Variants in CEP290 observed in about 807,000 individuals in gnomAD.
CEP290 encodes the protein centrosomal protein 290.
Under a neutral mutation model 344.9 loss-of-function variants are expected in CEP290, and 317 were observed. That is an observed-to-expected ratio of 0.92 (90% CI 0.84 to 1.01). The LOEUF (loss-of-function observed/expected upper bound fraction) is 1.01, where lower values mean the gene tolerates loss of function less well. CEP290 is among the 50% of genes least tolerant of loss of function. CEP290 has a pLI of 0.00. For synonymous variants in CEP290, 932 were observed against 895.8 expected (o/e 1.04, Z -0.72); for missense variants, 2,754 against 2,761.4 (o/e 1.00, Z 0.06).
intron 30 of CEP290, among the ~76,000 whole-genome samples, chr12:88,089,725 TG>T (rs1333672556): frequency 1.3e-4 from 20 of 149,744 alleles, no homozygotes; most frequent in African/African-American, 4.9e-4. Flanking sequence ...ATGTTACTGG[TG>T]TTTTTTTTTT....
chr12:88,065,242 C>G (rs560122804), intron 44 of CEP290, among the ~76,000 whole-genome samples: 85 of 151,784 alleles, frequency 5.6e-4, no homozygotes, highest in African/African-American at 2.0e-3. Flanking sequence ...GTTACTCCAC[C>G]GACATTATGG....
At chr12:88,054,496 GTAATA>G in intron 50 of CEP290, 83 bp from the exon 51 acceptor site, 2 of 1,071,896 alleles carry the variant, frequency 1.9e-6, no homozygotes, top group Non-Finnish European at 2.8e-6. Flanking sequence ...TTAACAAAGC[GTAATA>G]TTAAAATATG....
rs369746468 is a variant in CEP290, at chr12:88,106,769, C to T, written c.2723G>A (p.Arg908Gln). The change falls in exon 25 of 54, where the codon CGA becomes CAA. Residue 908 changes from arginine (R) to glutamine (Q), a missense_variant. Coordinates refer to ENST00000552810, the MANE Select transcript of CEP290 (RefSeq NM_025114.4). ...RQYTTLVELE[R>Q]QLRKENEKQK... ...CTTCTCATTTTCTTTTCTAAGTTGT[C>T]GCTCCAATTCTACTAAGGTTGTATA... The T allele has an allele frequency of 8.7e-6, 14 of 1,610,018 alleles. No individual in the cohort carries two copies. The African/African-American group carries it at 9.4e-5, about 11-fold the overall frequency.
intron 7 of CEP290, 125 bp downstream of exon 7, chr12:88,131,040 T>A (rs1319786192): frequency 4.3e-6 from 3 of 693,374 alleles, no homozygotes; most frequent in Non-Finnish European, 6.6e-6. Flanking sequence ...TACCATAAAA[T>A]CAGTCTGAAA....
rs1358912267 is a variant in CEP290 at position 88,086,097 on chromosome 12, A to G, written c.4379T>C (p.Ile1460Thr). 1.2e-6 allele frequency: 2 copies of G among 1,612,928 alleles called. No homozygotes were observed. Among genetic ancestry groups the G allele is most frequent in the Non-Finnish European group, 1.7e-6 (2 of 1,179,578 alleles). The change falls in exon 34 of 54, where the codon ATT becomes ACT. Residue 1460 changes from isoleucine (I) to threonine (T), a missense_variant. Coordinates refer to ENST00000552810, the MANE Select transcript of CEP290 (RefSeq NM_025114.4). The stretch of plus-strand genomic sequence containing the variant: ...TAGAATTATTCGAATGTTCTCCTTA[A>G]TTTTCCTTAGAGCGATCTCAAGTTG... ...PNQLEIALRK[I>T]KENIRIILET...
At chr12:88,059,155 CA>C (rs2034256561) in intron 48 of CEP290, 135 bp from the exon 49 acceptor site, 1 of 643,382 alleles carries the variant, frequency 1.6e-6, no homozygotes, top group Admixed American at 3.5e-5. Flanking sequence ...AAAATTTCAA[CA>C]AATTCAACAT....
chr12:88,111,297 C>A lies in CEP290; in HGVS notation c.2272G>T (p.Val758Phe). The stretch of plus-strand genomic sequence containing the variant: ...GGTAAGTCAATTCCTTTAAAAACAA[C>A]ATTTGATCCTTCTGATTGTCGTAAA... ...SLLRQSEGSN[V>F]VFKGIDLPDG... Residue 758 changes from valine (V) to phenylalanine (F), a missense_variant, in exon 22 of 54, where the codon GTT becomes TTT. Physicochemically the swap from Val to Phe is conservative, Grantham distance 50. Transcript: ENST00000552810. 1 of 1,561,332 alleles carries A rather than the reference C, an allele frequency of 6.4e-7. No individual in the cohort carries two copies. Among genetic ancestry groups the A allele is most frequent in the South Asian group, 1.2e-5 (1 of 83,486 alleles).
chr12:88,141,036 A>G lies in CEP290; in HGVS notation c.103-3T>C. Reference sequence around the variant, plus strand: ...CTTTTTAGCTCATTTACTTCCACCTAAGTAAACAGAAAAGCAACTGTTTTA... The same window carrying G: ...CTTTTTAGCTCATTTACTTCCACCTGAGTAAACAGAAAAGCAACTGTTTTA... On this transcript the variant is annotated splice_polypyrimidine_tract_variant and splice_region_variant and intron_variant, in intron 2 of 53. Transcript: ENST00000552810. 1 of 1,567,376 alleles carries G rather than the reference A, an allele frequency of 6.4e-7. No homozygotes were observed. Among genetic ancestry groups the G allele is most frequent in the Non-Finnish European group, 8.6e-7 (1 of 1,159,862 alleles).
chr12:88,084,000 C>G (rs1592834503), intron 35 of CEP290, 46 bp from the exon 36 acceptor site: 7 of 1,205,514 alleles, frequency 5.8e-6, no homozygotes, highest in Non-Finnish European at 8.2e-6. Context: ...GTGATTAAAA[C>G]AAATTCACAT....
intron 26 of CEP290, among the ~76,000 whole-genome samples, chr12:88,101,757 C>A (rs1417284706): frequency 6.6e-6 from 1 of 151,854 alleles, no homozygotes; most frequent in Non-Finnish European, 1.5e-5. Context: ...CACAAGATGT[C>A]TCTTGCCTAG....
intron 20 of CEP290, among the ~76,000 whole-genome samples, chr12:88,113,214 T>A (rs1592613391): frequency 6.6e-6 from 1 of 152,254 alleles, no homozygotes; most frequent in Non-Finnish European, 1.5e-5. Context: ...ATTCACTGTG[T>A]TTTCATTTGG....
In CEP290 at chr12:88,077,965, A is replaced by G. The variant is rs1314710658; in HGVS notation, c.5365-47T>C. On this transcript the variant is annotated intron_variant, in intron 39 of 53. Coordinates refer to ENST00000552810, the MANE Select transcript of CEP290 (RefSeq NM_025114.4). Reference sequence around the variant, plus strand: ...TATTATTCATGACTCTTCAAGAAGTATCAATGATAAAAGGAACATAAAACA... The same window carrying G: ...TATTATTCATGACTCTTCAAGAAGTGTCAATGATAAAAGGAACATAAAACA... 3.7e-6 allele frequency: 3 copies of G among 801,204 alleles called. No homozygotes were observed. The African/African-American group carries it at 5.5e-5, about 15-fold the overall frequency. The allele number at this position is 801,204 out of a possible 1,614,324, so 49.6% of individuals were successfully genotyped here.
chr12:88,089,282 G>A lies in CEP290; in HGVS notation c.3779C>T (p.Ala1260Val). ...YYARLEGRNR[A>V]KHLRQTIQSL... The stretch of plus-strand genomic sequence containing the variant: ...CTGAATTGTTTGGCGCAGATGTTTT[G>A]CTCTGTTTCTTCCCTCCAAACGAGC... Residue 1260 changes from alanine to valine, a missense_variant, in exon 31 of 54, where the codon GCA becomes GTA. Transcript: ENST00000552810. 1 of 1,613,924 alleles carries A rather than the reference G, an allele frequency of 6.2e-7. No homozygotes were observed.
At position 88,120,150 on chromosome 12, in the gene CEP290, A is replaced by G; in HGVS notation, c.1486T>C (p.Phe496Leu). The change falls in exon 15 of 54, where the codon TTC (phenylalanine) becomes CTC (leucine). Residue 496 changes from phenylalanine (F) to leucine (L), a missense_variant. Transcript: ENST00000552810. ...INKLELKISD[F>L]LDENEALRER... ...CTAAGTGCCTCATTTTCATCAAGGAAATCACTGATCTTCAATTCAAGTTTA... is the reference window on the plus strand; with the variant it reads ...CTAAGTGCCTCATTTTCATCAAGGAGATCACTGATCTTCAATTCAAGTTTA... 1 of 1,545,698 alleles carries G rather than the reference A, an allele frequency of 6.5e-7. No homozygotes were observed. The highest frequency in any genetic ancestry group is 1.4e-5 in the African/African-American group (1 of 73,142).
chr12:88,056,437 G>C (rs1024079666), intron 49 of CEP290, among the ~76,000 whole-genome samples: 34 of 152,100 alleles, frequency 2.2e-4, no homozygotes, highest in Non-Finnish European at 2.9e-5. Flanking sequence ...AAATCTGCTA[G>C]GATAATACAA....
chr12:88,060,662 C>T (rs1421387972), intron 47 of CEP290, among the ~76,000 whole-genome samples, 168 bp downstream of exon 47: 1 of 152,076 alleles, frequency 6.6e-6, no homozygotes, highest in Non-Finnish European at 1.5e-5. Context: ...GGTAGACCTA[C>T]TCTATAACCC....
At chr12:88,113,534 T>A (rs1000483879) in intron 20 of CEP290, among the ~76,000 whole-genome samples, 5 of 151,970 alleles carry the variant, frequency 3.3e-5, no homozygotes, top group Non-Finnish European at 5.9e-5. Flanking sequence ...ATGATTTTTT[T>A]AAAAAAACAA....
intron 34 of CEP290, 141 bp from the exon 35 acceptor site, chr12:88,084,993 A>G: frequency 1.6e-6 from 1 of 635,280 alleles, no homozygotes; most frequent in African/African-American, 1.9e-5. Flanking sequence ...TTGATACTTA[A>G]TAAGGTTAAA....
intron 26 of CEP290, among the ~76,000 whole-genome samples, chr12:88,100,896 G>A (rs1036807462): frequency 6.6e-6 from 1 of 152,146 alleles, no homozygotes; most frequent in Non-Finnish European, 1.5e-5. Context: ...ACATACATAA[G>A]AAAGAACACT....
Sources: allele counts gnomAD v4.1 joint callset (sites outside exome capture counted in the v4.1 genomes callset), GRCh38; gene constraint gnomAD v4.1.1; transcripts MANE v1.5; gene names NCBI Gene and HGNC (gene_info 2026-07-23, HGNC 2026-07-21).